The following NXNL2 variants were observed in gnomAD, a reference collection of about 807,000 sequenced individuals.
NXNL2 encodes the protein nucleoredoxin like 2, also known as nucleoredoxin-like protein 2.
A neutral mutation model predicts 11.1 loss-of-function variants in NXNL2; 7 were observed. The observed-to-expected ratio is 0.63, with a 90% confidence interval of 0.36 to 1.18. NXNL2 has a LOEUF of 1.18. Among genes scored for constraint, NXNL2 ranks in the 50% most tolerant of loss-of-function variants. The probability of loss-of-function intolerance (pLI) is 0.02; values close to 1 mark genes in which losing one functional copy is unlikely to be tolerated. For synonymous variants in NXNL2, 109 were observed against 101.8 expected, an observed-to-expected ratio of 1.07 and a Z score of -0.42; for missense variants, 233 against 217.7, an observed-to-expected ratio of 1.07 and a Z score of -0.44.
At chr9:88,545,813 C>T (rs1280527489), downstream of NXNL2, among the ~76,000 whole-genome samples, 1 of 152,058 alleles carries the variant, frequency 6.6e-6, no homozygotes, top group Non-Finnish European at 1.5e-5. Context: ...GTTGCCCAGC[C>T]TGGAGTGCAA....
At chr9:88,578,724 A>G (rs1323424788), downstream of NXNL2, among the ~76,000 whole-genome samples, 1 of 152,220 alleles carries the variant, frequency 6.6e-6, no homozygotes, top group Non-Finnish European at 1.5e-5. Flanking sequence ...GCTCAGCCCC[A>G]TCTCCTGACT....
chr9:88,560,061 G>A (rs1229374124), intron 1 of NXNL2, among the ~76,000 whole-genome samples: 1 of 152,120 alleles, frequency 6.6e-6, no homozygotes, highest in Non-Finnish European at 1.5e-5. Flanking sequence ...TTTTCCCTGG[G>A]AATAATTGCA....
intron 1 of NXNL2, among the ~76,000 whole-genome samples, chr9:88,582,760 C>T (rs1587859966): frequency 6.6e-6 from 1 of 152,154 alleles, no homozygotes; most frequent in East Asian, 1.9e-4. Context: ...CCTCCACCTC[C>T]TGGGTTCAAG....
downstream of NXNL2, among the ~76,000 whole-genome samples, chr9:88,580,610 G>T (rs1830399107): frequency 6.6e-6 from 1 of 152,048 alleles, no homozygotes; most frequent in Non-Finnish European, 1.5e-5. Flanking sequence ...TGCAAAAACA[G>T]TACAAAAATT....
chr9:88,559,259 G>A (rs991188695), intron 1 of NXNL2, among the ~76,000 whole-genome samples: 11 of 152,154 alleles, frequency 7.2e-5, no homozygotes, highest in South Asian at 2.1e-4. Flanking sequence ...CTCATGGCCC[G>A]TGGACTACAG....
chr9:88,568,707 G>T (rs1210312858), intron 1 of NXNL2, among the ~76,000 whole-genome samples: 1 of 152,116 alleles, frequency 6.6e-6, no homozygotes, highest in Admixed American at 6.6e-5. Context: ...TTCTTTTGCA[G>T]AACTTCCTTG....
At chr9:88,556,850 G>A (rs570777557) in intron 1 of NXNL2, among the ~76,000 whole-genome samples, 1 of 152,176 alleles carries the variant, frequency 6.6e-6, no homozygotes, top group South Asian at 2.1e-4. Context: ...GGCCAAGGCA[G>A]GCGGATCATG....
At chr9:88,544,302 G>T (rs142395406) in intron 1 of NXNL2, 77 bp from the exon 2 acceptor site, 3 of 1,349,392 alleles carry the variant, frequency 2.2e-6, no homozygotes, top group Non-Finnish European at 3.1e-6. Context: ...CTGTACCTCA[G>T]GCTGGAGGGA....
chr9:88,559,713 C>T (rs1218642646), intron 1 of NXNL2, among the ~76,000 whole-genome samples: 1 of 152,332 alleles, frequency 6.6e-6, no homozygotes, highest in Non-Finnish European at 1.5e-5. Context: ...TCCCACACTT[C>T]AGAACAATCA....
intron 1 of NXNL2, among the ~76,000 whole-genome samples, chr9:88,568,176 C>T (rs1830206059): frequency 2.6e-5 from 4 of 152,172 alleles, no homozygotes; most frequent in Admixed American, 2.6e-4. Context: ...CAGGCACATG[C>T]AACTATCTGA....
chr9:88,550,278 A>T (rs1383877595), intron 1 of NXNL2, among the ~76,000 whole-genome samples: 2 of 152,170 alleles, frequency 1.3e-5, no homozygotes, highest in Non-Finnish European at 2.9e-5. Flanking sequence ...ACAATTCAAC[A>T]TGATATTTGG....
At chr9:88,552,630 C>T (rs921599346) in intron 1 of NXNL2, among the ~76,000 whole-genome samples, 1 of 152,034 alleles carries the variant, frequency 6.6e-6, no homozygotes, top group African/African-American at 2.4e-5. Context: ...ACCACCACGC[C>T]CAGCTAATTT....
At chr9:88,551,106 T>G (rs1214803304) in intron 1 of NXNL2, among the ~76,000 whole-genome samples, 5 of 152,220 alleles carry the variant, frequency 3.3e-5, no homozygotes, top group East Asian at 1.9e-4. Flanking sequence ...TTGTCAGATA[T>G]TCTCCTTGCC....
downstream of NXNL2, among the ~76,000 whole-genome samples, chr9:88,546,176 T>TGTGTGTGTGTGTGA (rs1016161250): frequency 6.6e-6 from 1 of 150,926 alleles, no homozygotes; most frequent in African/African-American, 2.5e-5. Flanking sequence ...TGTGTGTGTG[T>TGTGTGTGTGTGTGA]GAGAACCACA....
chr9:88,576,224 A>G (rs1410399741), downstream of NXNL2, among the ~76,000 whole-genome samples: 1 of 152,194 alleles, frequency 6.6e-6, no homozygotes, highest in Non-Finnish European at 1.5e-5. Flanking sequence ...CAAACAAACA[A>G]ACAAAATATT....
At chr9:88,547,356 T>G (rs138925810), downstream of NXNL2, among the ~76,000 whole-genome samples, 369 of 152,208 alleles carry the variant, frequency 2.4e-3, 4 homozygotes, top group African/African-American at 8.5e-3. Flanking sequence ...TCAGGGAGAC[T>G]CATGAAATGC....
intron 1 of NXNL2, among the ~76,000 whole-genome samples, chr9:88,563,167 G>A (rs979803236): frequency 3.3e-5 from 5 of 152,162 alleles, no homozygotes; most frequent in Admixed American, 1.3e-4. Context: ...GAGATAGACC[G>A]ACTTGATTCC....
chr9:88,582,388 GA>G (rs1830418205), intron 1 of NXNL2, among the ~76,000 whole-genome samples: 1 of 152,116 alleles, frequency 6.6e-6, no homozygotes, highest in South Asian at 2.1e-4. Context: ...AGAATGGTGT[GA>G]ACCCGGGAGG....
chr9:88,562,914 C>T (rs1830104836), intron 1 of NXNL2, among the ~76,000 whole-genome samples: 2 of 151,824 alleles, frequency 1.3e-5, no homozygotes, highest in African/African-American at 2.4e-5. Context: ...ATGGTGAAAC[C>T]CTGTTTCTAC....
Sources: gnomAD v4.1 joint callset for allele counts (sites outside exome capture counted in the v4.1 genomes callset) on GRCh38, gnomAD v4.1.1 for gene constraint, MANE v1.5 for transcripts, NCBI Gene and HGNC (gene_info 2026-07-23, HGNC 2026-07-21) for gene names.